The following BAALC variants were observed in gnomAD, a reference collection of about 807,000 sequenced individuals.
BAALC encodes the protein BAALC binder of MAP3K1 and KLF4.
A neutral mutation model predicts 15.5 loss-of-function variants in BAALC; 9 were observed. That is an observed-to-expected ratio of 0.58 (90% CI 0.35 to 1.02). BAALC has a LOEUF of 1.02. Ranked by LOEUF, BAALC falls within the 50% of genes least tolerant of loss-of-function variation. The pLI is 0.02. For missense variants in BAALC, 201 were observed against 192.4 expected (o/e 1.04, Z -0.27); for synonymous variants, 80 against 74.6 (o/e 1.07, Z -0.37).
At chr8:103,187,297 G>A (rs193085041) in intron 1 of BAALC, among the ~76,000 whole-genome samples, 12 of 152,292 alleles carry the variant, frequency 7.9e-5, no homozygotes, top group African/African-American at 2.6e-4. Context: ...GCTTCTCAAT[G>A]TCTAGAGACA....
At chr8:103,141,112 G>A in intron 1 of BAALC, 55 bp downstream of exon 1, 1 of 1,384,838 alleles carries the variant, frequency 7.2e-7, no homozygotes, top group Non-Finnish European at 9.3e-7. Flanking sequence ...GGGCGCCTTG[G>A]CCCGGGCACT....
At chr8:103,192,571 G>C (rs1442512505) in intron 1 of BAALC, among the ~76,000 whole-genome samples, 4 of 152,168 alleles carry the variant, frequency 2.6e-5, no homozygotes, top group Non-Finnish European at 5.9e-5. Flanking sequence ...TTTGGCAAAA[G>C]CCATCATTCT....
chr8:103,140,947 A>T lies in BAALC; in HGVS notation c.50A>T (p.Glu17Val). 1.9e-6 allele frequency: 3 copies of T among 1,538,590 alleles called. No individual in the cohort carries two copies. The South Asian group carries it at 3.6e-5, about 19-fold the overall frequency. Residue 17 changes from glutamate to valine, a missense_variant, in exon 1 of 3, where the codon GAG becomes GTG. Physicochemically the swap from Glu to Val is moderately radical, Grantham distance 121. Transcript: ENST00000309982. The surrounding 1 kb of genome is among the most constrained non-coding windows in gnomAD (Gnocchi z 4.2). ...RADAIEPRYY[E>V]SWTRETESTW... The stretch of plus-strand genomic sequence containing the variant: ...GATGCCATCGAGCCCCGCTACTACG[A>T]GAGCTGGACCCGGGAGACAGAATCC...
rs1812483215 is a variant in BAALC at position 103,212,961 on chromosome 8, C to G, written c.203C>G (p.Ser68Cys). ...DGLPSNGVPR[S>C]TAPGGIPNPE... Reference sequence around the variant, plus strand: ...CTGCCCTCCAATGGTGTGCCCCGATCTACAGCCCCAGGTGGAATACCCAAC... The same window carrying G: ...CTGCCCTCCAATGGTGTGCCCCGATGTACAGCCCCAGGTGGAATACCCAAC... The change falls in exon 2 of 3, where the codon TCT becomes TGT. Residue 68 changes from serine to cysteine, a missense_variant. Physicochemically the swap from Ser to Cys is moderately radical, Grantham distance 112. Coordinates refer to ENST00000309982, the MANE Select transcript of BAALC (RefSeq NM_024812.3). The G allele has an allele frequency of 1.2e-6, 2 of 1,614,142 alleles. No individual in the cohort carries two copies. Among genetic ancestry groups the G allele is most frequent in the East Asian group, 4.5e-5 (2 of 44,878 alleles).
chr8:103,157,010 A>G (rs1811107662), intron 1 of BAALC: 1 of 152,368 alleles, frequency 6.6e-6, no homozygotes, highest in Non-Finnish European at 1.5e-5. Flanking sequence ...CAAAATTCAA[A>G]CGCTGACTCT....
rs144697208 is a variant in BAALC, at chr8:103,215,432, G to C, written c.327+2347G>C. On this transcript the variant is annotated intron_variant, in intron 2 of 2. Transcript: ENST00000309982. ...ATGAATAGTGTATTAGTCAGTTGTT[G>C]CCTCAATAATGCTGCATAACAAAAC... 5.0e-3 allele frequency among the ~76,000 whole-genome samples: 766 copies of C among 152,262 alleles called. 2 individuals are homozygous for C. The highest frequency in any genetic ancestry group is 6.1e-3 in the Non-Finnish European group (416 of 68,008).
At chr8:103,186,742 G>A (rs1811846665) in intron 1 of BAALC, among the ~76,000 whole-genome samples, 2 of 152,302 alleles carry the variant, frequency 1.3e-5, no homozygotes, top group Middle Eastern at 3.4e-3. Flanking sequence ...TTTAAACAGT[G>A]CTTTCTGGAG....
chr8:103,186,293 C>T (rs1028817412), intron 1 of BAALC, among the ~76,000 whole-genome samples: 3 of 152,116 alleles, frequency 2.0e-5, no homozygotes, highest in East Asian at 1.9e-4. Flanking sequence ...AATCATCCTG[C>T]GAGGAGGCAA....
chr8:103,147,499 G>A (rs778699092), intron 1 of BAALC, among the ~76,000 whole-genome samples: 6 of 151,902 alleles, frequency 3.9e-5, no homozygotes, highest in Admixed American at 3.3e-4. Context: ...AATAGGCCCT[G>A]GTGGGAAGAA....
chr8:103,152,370 C>T (rs1485513299), intron 1 of BAALC, among the ~76,000 whole-genome samples: 1 of 152,110 alleles, frequency 6.6e-6, no homozygotes, highest in Non-Finnish European at 1.5e-5. Context: ...AATGTGCTTC[C>T]TCCCCACACC....
chr8:103,173,304 T>G (rs1811539588), intron 1 of BAALC, among the ~76,000 whole-genome samples: 1 of 152,214 alleles, frequency 6.6e-6, no homozygotes, highest in South Asian at 2.1e-4. Flanking sequence ...CACCCTCTTC[T>G]GTATTTAAAT....
chr8:103,188,315 C>T (rs745788953), intron 1 of BAALC, among the ~76,000 whole-genome samples: 2 of 152,152 alleles, frequency 1.3e-5, no homozygotes, highest in South Asian at 2.1e-4. Context: ...TCGGGCCATG[C>T]GATGCCCCTG....
At chr8:103,179,947 G>T (rs547699049) in intron 1 of BAALC, among the ~76,000 whole-genome samples, 5 of 152,332 alleles carry the variant, frequency 3.3e-5, no homozygotes, top group South Asian at 2.1e-4. Flanking sequence ...AGAGGTGGTT[G>T]TACTCATTGC....
intron 1 of BAALC, among the ~76,000 whole-genome samples, chr8:103,142,824 C>T (rs947439859): frequency 4.6e-5 from 7 of 152,144 alleles, no homozygotes; most frequent in Non-Finnish European, 8.8e-5. Flanking sequence ...TAATTCATAT[C>T]CCATCCATCA....
intron 1 of BAALC, among the ~76,000 whole-genome samples, chr8:103,149,907 G>A (rs1810948539): frequency 1.3e-5 from 2 of 152,086 alleles, no homozygotes; most frequent in South Asian, 2.1e-4. Flanking sequence ...TGAGTATGCT[G>A]TTCTATATTT....
chr8:103,210,865 A>C (rs2130060963), intron 1 of BAALC, among the ~76,000 whole-genome samples: 1 of 152,370 alleles, frequency 6.6e-6, no homozygotes, highest in Admixed American at 6.5e-5. Flanking sequence ...GATGGTCAAC[A>C]GAAGACAGAC....
At chr8:103,225,171 G>A (rs973958371) in intron 2 of BAALC, among the ~76,000 whole-genome samples, 1 of 152,186 alleles carries the variant, frequency 6.6e-6, no homozygotes, top group Admixed American at 6.5e-5. Flanking sequence ...TTGCCTACTG[G>A]TTGTTAAAGC....
chr8:103,212,404 T>A (rs1015325728), intron 1 of BAALC, among the ~76,000 whole-genome samples: 1 of 152,082 alleles, frequency 6.6e-6, no homozygotes, highest in Non-Finnish European at 1.5e-5. Context: ...ACTATGATCA[T>A]GCCACTACAC....
chr8:103,213,111 T>C (rs1344597035), intron 2 of BAALC, 26 bp downstream of exon 2: 16 of 1,610,096 alleles, frequency 9.9e-6, no homozygotes, highest in Non-Finnish European at 1.2e-5. Context: ...CAGAATCAAC[T>C]GGGGACTGGA....
Sources: allele counts gnomAD v4.1 joint callset (sites outside exome capture counted in the v4.1 genomes callset), GRCh38; gene constraint gnomAD v4.1.1; non-coding constraint Gnocchi (gnomAD v3.1); transcripts MANE v1.5; gene names NCBI Gene and HGNC (gene_info 2026-07-23, HGNC 2026-07-21).